Variants in ARVCF observed in about 807,000 individuals in gnomAD.
ARVCF encodes the protein ARVCF delta catenin family member, also known as splicing regulator ARVCF.
ARVCF carries 66 observed loss-of-function variants against 90.9 expected under a neutral mutation model. The ratio of observed to expected loss-of-function variants is 0.73; its 90% CI spans 0.60 to 0.89. ARVCF has a LOEUF of 0.89. ARVCF is among the 40% of genes least tolerant of loss of function. ARVCF has a pLI of 0.00. For synonymous variants in ARVCF, 653 were observed against 603.4 expected (o/e 1.08, Z -1.21); for missense variants, 1,469 against 1,382.3 (o/e 1.06, Z -1.00).
In ARVCF at chr22:19,971,220, C is replaced by G. The variant is rs755842063; in HGVS notation, c.*8G>C. 1 of 1,552,420 alleles carries G rather than the reference C, an allele frequency of 6.4e-7. No individual in the cohort carries two copies. Among genetic ancestry groups the G allele is most frequent in the African/African-American group, 1.4e-5 (1 of 73,156 alleles). On this transcript the variant is annotated 3_prime_UTR_variant, in exon 19 of 20. Coordinates refer to ENST00000263207, the MANE Select transcript of ARVCF (RefSeq NM_001670.3). Reference sequence around the variant, plus strand: ...CAACCAGATGAGAGAACGTACCAGGCATGCAAGCTAGACCCAGGAATCAAC... The same window carrying G: ...CAACCAGATGAGAGAACGTACCAGGGATGCAAGCTAGACCCAGGAATCAAC...
At chr22:19,981,044 C>T in intron 5 of ARVCF, 167 bp downstream of exon 5, 5 of 927,012 alleles carry the variant, frequency 5.4e-6, no homozygotes, top group Non-Finnish European at 7.8e-6. Context: ...ACTCCTACCA[C>T]CCCAGGGTCC....
intron 12 of ARVCF, 28 bp from the exon 13 acceptor site, chr22:19,973,821 G>T (rs771037897): frequency 1.3e-6 from 2 of 1,588,820 alleles, no homozygotes; most frequent in Admixed American, 1.7e-5. Flanking sequence ...GGGTTGCTCA[G>T]ACATACATGC....
chr22:19,976,446 CAG>C (rs1036674460), intron 10 of ARVCF, among the ~76,000 whole-genome samples: 3 of 152,196 alleles, frequency 2.0e-5, no homozygotes, highest in Non-Finnish European at 4.4e-5. Context: ...ATCAGAGAAA[CAG>C]ACTGCTCCTT....
chr22:19,965,950 C>CTTGG (rs1341594770), downstream of ARVCF, among the ~76,000 whole-genome samples: 1 of 152,238 alleles, frequency 6.6e-6, no homozygotes. Context: ...ATGGGCTTCA[C>CTTGG]TTGGGCAGGA....
Position 19,971,996 on chromosome 22 carries a change from T to C in ARVCF, c.2696-25A>G, listed in dbSNP as rs1942834423. 5.7e-6 allele frequency: 9 copies of C among 1,585,126 alleles called. No individual in the cohort carries two copies. The East Asian group carries it at 1.8e-4, about 32-fold the overall frequency. On this transcript the variant is annotated intron_variant, in intron 17 of 19. Coordinates refer to ENST00000263207, the MANE Select transcript of ARVCF (RefSeq NM_001670.3). ...TCTGTAGATGGGGTAAGGTGGGGCA[T>C]GAGGGGCGCTCTGAGGGAGGCCCTG...
rs575209278 is a variant in ARVCF, at chr22:19,981,521, G to A, written c.586C>T (p.Arg196Trp). ...AGGCTGCCATAGCTGGGGCTGTCCC[G>A]GGGCTCGGGGCCTTCGGGAAAGCCA... ...GGGFPEGPEP[R>W]DSPSYGSLSR... Residue 196 changes from arginine to tryptophan, a missense_variant, in exon 5 of 20, where the codon CGG becomes TGG. By Grantham distance (101) the Arg-to-Trp change is moderately radical. Coordinates refer to ENST00000263207, the MANE Select transcript of ARVCF (RefSeq NM_001670.3). 62 of 1,571,506 alleles carry A rather than the reference G, an allele frequency of 3.9e-5. No individual in the cohort carries two copies. Among genetic ancestry groups the A allele is most frequent in the Middle Eastern group, 3.4e-4 (2 of 5,870 alleles).
At position 20,016,703 on chromosome 22, in the gene ARVCF, C is replaced by A. The variant is rs922062408; in HGVS notation, c.-187G>T. The A allele has an allele frequency of 1.1e-4, 16 of 150,698 alleles. No homozygotes were observed. Among genetic ancestry groups the A allele is most frequent in the African/African-American group, 3.9e-4 (16 of 41,104 alleles). 9.3% of individuals were successfully genotyped at this position (150,698 alleles called of 1,614,324 possible). A position where few individuals can be genotyped will look rare whatever the true frequency, so the allele number is the denominator to read the frequency against. ...CAGGGCGCGGCGCGGTGCGGCGCGG[C>A]GCGGGTCGCAGTCCACGCGGCCGCA... On this transcript the variant is annotated 5_prime_UTR_variant, in exon 1 of 20. Coordinates refer to ENST00000263207, the MANE Select transcript of ARVCF (RefSeq NM_001670.3).
rs1601600081 is a variant in ARVCF at position 19,979,887 on chromosome 22, G to A, written c.1252C>T (p.Arg418Cys). Residue 418 changes from arginine (R) to cysteine (C), a missense_variant, in exon 6 of 20, where the codon CGC becomes TGC. Arg to Cys is a radical substitution (Grantham distance 180). Coordinates refer to ENST00000263207, the MANE Select transcript of ARVCF (RefSeq NM_001670.3). ...LLDHPRAEVR[R>C]RACGALRNLS... Reference sequence around the variant, plus strand: ...TTGCGCAGTGCCCCACAGGCCCGGCGCCGCACCTCAGCCCGCGGGTGGTCC... The same window carrying A: ...TTGCGCAGTGCCCCACAGGCCCGGCACCGCACCTCAGCCCGCGGGTGGTCC... The A allele has an allele frequency of 1.1e-5, 18 of 1,605,384 alleles. No individual in the cohort carries two copies. The highest frequency in any genetic ancestry group is 1.7e-5 in the Admixed American group (1 of 59,228).
At position 19,973,200 on chromosome 22, in the gene ARVCF, A is replaced by G. The variant is rs759123244; in HGVS notation, c.2357T>C (p.Ile786Thr). 10 of 1,611,000 alleles carry G rather than the reference A, an allele frequency of 6.2e-6. No individual in the cohort carries two copies. The highest frequency in any genetic ancestry group is 8.5e-6 in the Non-Finnish European group (10 of 1,179,326). ...CGCGTTATCCAGGCTGTCGGACACG[A>G]TTTCGTGGATGGTGTTGAGCACCGC... is the stretch of plus-strand genomic sequence containing the variant. ...VVAVLNTIHE[I>T]VSDSLDNARS... is the part of the protein sequence containing the mutation. The change falls in exon 14 of 20, where the codon ATC (isoleucine) becomes ACC (threonine). Residue 786 changes from isoleucine (I) to threonine (T), a missense_variant. Transcript: ENST00000263207.
chr22:19,980,892 G>A, intron 5 of ARVCF: 1 of 335,352 alleles, frequency 3.0e-6, no homozygotes, highest in East Asian at 4.9e-5. Flanking sequence ...GAAACTGAGG[G>A]CAATGGGGAC....
chr22:19,971,486 A>G, intron 18 of ARVCF, 151 bp from the exon 19 acceptor site: 1 of 999,214 alleles, frequency 1.0e-6, no homozygotes, highest in Non-Finnish European at 1.4e-6. Context: ...GGAGCCGGAA[A>G]CGTGTGGCTC....
chr22:19,977,714 G>C (rs1436659241), intron 8 of ARVCF, 128 bp from the exon 9 acceptor site: 3 of 1,306,338 alleles, frequency 2.3e-6, no homozygotes, highest in Non-Finnish European at 3.1e-6. Context: ...TCAGTGGAGG[G>C]GAGCAAAAGG....
At chr22:19,976,055 G>A (rs369535434) in intron 10 of ARVCF, among the ~76,000 whole-genome samples, 3 of 152,216 alleles carry the variant, frequency 2.0e-5, no homozygotes, top group South Asian at 2.1e-4. Context: ...CAACTGCCAG[G>A]TATGTAGACT....
chr22:19,990,284 G>A (rs1356039842), intron 3 of ARVCF, among the ~76,000 whole-genome samples: 1 of 152,204 alleles, frequency 6.6e-6, no homozygotes, highest in East Asian at 1.9e-4. Flanking sequence ...AACCCCTAAA[G>A]TGTCTCTAGG....
At chr22:19,999,798 C>A (rs1345344345) in intron 2 of ARVCF, among the ~76,000 whole-genome samples, 1 of 152,150 alleles carries the variant, frequency 6.6e-6, no homozygotes, top group African/African-American at 2.4e-5. Flanking sequence ...GCATGAAGTT[C>A]TGGAAGAAAG....
At chr22:19,975,156 G>A (rs1943079247) in intron 11 of ARVCF, among the ~76,000 whole-genome samples, 1 of 152,166 alleles carries the variant, frequency 6.6e-6, no homozygotes, top group African/African-American at 2.4e-5. Context: ...TGCGGCTGGA[G>A]CCCTCCACCC....
intron 3 of ARVCF, chr22:19,987,313 T>C (rs1007627430): frequency 4.3e-6 from 1 of 234,404 alleles, no homozygotes; most frequent in Non-Finnish European, 8.0e-6. Flanking sequence ...GGGCGGGCAA[T>C]GTGAGGTCCC....
Position 19,972,320 on chromosome 22 carries a change from C to T in ARVCF, c.2695+38G>A, listed in dbSNP as rs192537896. ...GCCCACTTCAGGCCTTGGTCCCCTC[C>T]CGGCACAGAAAACCAACCACACTGC... On this transcript the variant is annotated intron_variant, in intron 17 of 19. Transcript: ENST00000263207. 5 of 1,613,500 alleles carry T rather than the reference C, an allele frequency of 3.1e-6. No homozygotes were observed. The East Asian group carries it at 1.1e-4, about 36-fold the overall frequency.
chr22:19,992,242 CCA>C (rs1944055837), intron 2 of ARVCF, among the ~76,000 whole-genome samples: 7 of 152,196 alleles, frequency 4.6e-5, no homozygotes, highest in Non-Finnish European at 1.0e-4. Context: ...AGCACCTGTC[CCA>C]CAAATGAAAC....
Sources: gnomAD v4.1 joint callset for allele counts (sites outside exome capture counted in the v4.1 genomes callset) on GRCh38, gnomAD v4.1.1 for gene constraint, MANE v1.5 for transcripts, NCBI Gene and HGNC (gene_info 2026-07-23, HGNC 2026-07-21) for gene names.